TANGO6: variants seen among roughly 807,000 people sequenced by gnomAD.
TANGO6 encodes the protein transport and Golgi organization protein 6 homolog.
TANGO6 carries 90 observed loss-of-function variants against 114.2 expected under a neutral mutation model. The observed-to-expected ratio is 0.79, with a 90% CI of 0.66 to 0.94. The LOEUF is 0.94. Among genes scored for constraint, TANGO6 ranks in the 40% least tolerant of loss-of-function variants. TANGO6 has a pLI of 0.00. For synonymous variants in TANGO6, 477 were observed against 509.8 expected, an observed-to-expected ratio of 0.94 and a Z score of 0.87; for missense variants, 1,274 against 1,315.3, an observed-to-expected ratio of 0.97 and a Z score of 0.49.
Position 69,036,845 on chromosome 16 carries a change from C to T in TANGO6, c.2995-3463C>T, listed in dbSNP as rs148893624. 3.4e-4 allele frequency among the ~76,000 whole-genome samples: 51 copies of T among 152,110 alleles called. 1 individual carries two copies. The East Asian group carries it at 8.2e-3, about 24-fold the overall frequency. ...ATGCGTAGTGGTACACGCCTGTAGT[C>T]CCAGCTACTCCGGAGGCCGAGGTGG... On this transcript the variant is annotated intron_variant, in intron 16 of 17. Transcript: ENST00000261778.
intron 17 of TANGO6, among the ~76,000 whole-genome samples, chr16:69,049,768 G>T (rs889233824): frequency 6.6e-6 from 1 of 151,120 alleles, no homozygotes; most frequent in Non-Finnish European, 1.5e-5. Context: ...TAAAGATGGG[G>T]TCTCACTATG....
chr16:68,859,432 A>G (rs1208681813), intron 1 of TANGO6, among the ~76,000 whole-genome samples: 2 of 152,108 alleles, frequency 1.3e-5, no homozygotes, highest in African/African-American at 4.8e-5. Flanking sequence ...TGGCCTCCCA[A>G]AGTGCTGGGA....
intron 17 of TANGO6, among the ~76,000 whole-genome samples, chr16:69,056,404 T>C (rs1156743889): frequency 6.6e-6 from 1 of 152,188 alleles, no homozygotes; most frequent in Non-Finnish European, 1.5e-5. Context: ...ATTTAGAATA[T>C]TTAATTTATA....
intron 7 of TANGO6, among the ~76,000 whole-genome samples, chr16:68,883,273 G>A (rs572221663): frequency 1.1e-4 from 17 of 152,322 alleles, no homozygotes; most frequent in African/African-American, 2.4e-4. Flanking sequence ...AGGCCAAGAT[G>A]AGTGGATTAC....
At chr16:69,043,745 G>A (rs1486102033) in intron 17 of TANGO6, among the ~76,000 whole-genome samples, 1 of 152,142 alleles carries the variant, frequency 6.6e-6, no homozygotes, top group Non-Finnish European at 1.5e-5. Context: ...TTTGCCCCCA[G>A]GAACAGCTGA....
intron 7 of TANGO6, among the ~76,000 whole-genome samples, chr16:68,892,121 G>A (rs2152176675): frequency 6.6e-6 from 1 of 152,326 alleles, no homozygotes; most frequent in Admixed American, 6.5e-5. Flanking sequence ...CAGACACTTT[G>A]CCAGGTTCAC....
At chr16:68,963,571 C>T (rs1963615493) in intron 14 of TANGO6, among the ~76,000 whole-genome samples, 1 of 152,188 alleles carries the variant, frequency 6.6e-6, no homozygotes, top group Non-Finnish European at 1.5e-5. Context: ...TTGGACATGA[C>T]CTACTCACTT....
At chr16:68,859,532 G>A (rs1188736701) in intron 1 of TANGO6, among the ~76,000 whole-genome samples, 1 of 152,206 alleles carries the variant, frequency 6.6e-6, no homozygotes, top group Non-Finnish European at 1.5e-5. Context: ...CTGAGTGCAT[G>A]TTCTATGGTA....
chr16:69,071,032 C>A (rs1960292060), intron 17 of TANGO6, among the ~76,000 whole-genome samples: 1 of 152,108 alleles, frequency 6.6e-6, no homozygotes, highest in Non-Finnish European at 1.5e-5. Flanking sequence ...CCTCTGGCCT[C>A]CCAAAGTGTG....
chr16:68,883,877 T>C (rs756915990), intron 7 of TANGO6, among the ~76,000 whole-genome samples: 4 of 152,128 alleles, frequency 2.6e-5, no homozygotes, highest in South Asian at 2.1e-4. Flanking sequence ...GATTCATAGA[T>C]AGAAAATGCA....
chr16:68,997,937 G>C (rs1184955316), intron 15 of TANGO6, among the ~76,000 whole-genome samples: 2 of 152,192 alleles, frequency 1.3e-5, no homozygotes, highest in African/African-American at 4.8e-5. Context: ...TGTATTCAAG[G>C]TAGAGAGGAG....
At chr16:68,913,786 A>G (rs1180473436) in intron 11 of TANGO6, among the ~76,000 whole-genome samples, 1 of 152,124 alleles carries the variant, frequency 6.6e-6, no homozygotes, top group Non-Finnish European at 1.5e-5. Context: ...GATGGACAGG[A>G]AGCACCAGAT....
At chr16:69,028,894 G>A (rs1597064235) in intron 16 of TANGO6, among the ~76,000 whole-genome samples, 1 of 149,618 alleles carries the variant, frequency 6.7e-6, no homozygotes, top group African/African-American at 2.5e-5. Flanking sequence ...AAACTACATA[G>A]CCATGCATTT....
intron 7 of TANGO6, among the ~76,000 whole-genome samples, chr16:68,883,065 C>T (rs773480262): frequency 1.3e-5 from 2 of 152,024 alleles, no homozygotes; most frequent in Non-Finnish European, 2.9e-5. Flanking sequence ...GATGTGGTGG[C>T]ACGTGCCTGT....
intron 3 of TANGO6, among the ~76,000 whole-genome samples, chr16:68,866,547 C>CG: frequency 6.6e-6 from 1 of 150,386 alleles, no homozygotes; most frequent in East Asian, 2.0e-4. Flanking sequence ...GGCGTGAACC[C>CG]GGGAAGCGGA....
intron 14 of TANGO6, among the ~76,000 whole-genome samples, chr16:68,966,234 A>C (rs978059232): frequency 6.6e-6 from 1 of 152,064 alleles, no homozygotes; most frequent in Non-Finnish European, 1.5e-5. Context: ...TTAAAAAATA[A>C]AAAATGAGGC....
At chr16:68,979,577 G>A (rs1444083905) in intron 15 of TANGO6, among the ~76,000 whole-genome samples, 2 of 152,030 alleles carry the variant, frequency 1.3e-5, no homozygotes, top group Non-Finnish European at 2.9e-5. Context: ...TTCCAGAGAA[G>A]TTGTGCCAGT....
At chr16:68,872,772 C>T (rs1962296242) in intron 4 of TANGO6, among the ~76,000 whole-genome samples, 1 of 151,860 alleles carries the variant, frequency 6.6e-6, no homozygotes, top group African/African-American at 2.4e-5. Context: ...TCTCGGCTCA[C>T]TACAGCTTGC....
chr16:68,888,416 A>G (rs1172777957), intron 7 of TANGO6, among the ~76,000 whole-genome samples: 1 of 152,168 alleles, frequency 6.6e-6, no homozygotes, highest in Non-Finnish European at 1.5e-5. Context: ...TTATTTGGAC[A>G]TTTTTTGCTC....
Sources: allele counts gnomAD v4.1 joint callset (sites outside exome capture counted in the v4.1 genomes callset), GRCh38; gene constraint gnomAD v4.1.1; transcripts MANE v1.5; gene names NCBI Gene and HGNC (gene_info 2026-07-23, HGNC 2026-07-21).